LRRC7: variants seen among roughly 807,000 people sequenced by gnomAD.
LRRC7 encodes the protein leucine rich repeat containing 7.
A neutral mutation model predicts 175.7 loss-of-function variants in LRRC7; 23 were observed. That is an observed-to-expected ratio of 0.13 (90% CI 0.09 to 0.19). The LOEUF (loss-of-function observed/expected upper bound fraction) is 0.19, where lower values mean the gene tolerates loss of function less well. Ranked by LOEUF, LRRC7 falls within the 10% of genes least tolerant of loss-of-function variation. The pLI, the probability that LRRC7 is intolerant of heterozygous loss-of-function variation, is 1.00. For missense variants in LRRC7, 1,354 were observed against 1,904.7 expected, an observed-to-expected ratio of 0.71 and a Z score of 5.38; for synonymous variants, 685 against 680.9, an observed-to-expected ratio of 1.01 and a Z score of -0.09.
intron 2 of LRRC7, among the ~76,000 whole-genome samples, chr1:69,739,097 G>A (rs962817813): frequency 2.0e-5 from 3 of 152,014 alleles, no homozygotes; most frequent in African/African-American, 4.8e-5. Context: ...GGTAACCAGA[G>A]GTAAAACGAT....
intron 1 of LRRC7, among the ~76,000 whole-genome samples, chr1:69,654,120 T>A (rs1316996981): frequency 3.9e-5 from 6 of 151,928 alleles, no homozygotes; most frequent in Admixed American, 6.6e-5. Flanking sequence ...TATTTATTTT[T>A]TTTTTTTACC....
At chr1:69,628,843 A>G (rs1313750798) in intron 1 of LRRC7, among the ~76,000 whole-genome samples, 1 of 152,188 alleles carries the variant, frequency 6.6e-6, no homozygotes, top group Non-Finnish European at 1.5e-5. Flanking sequence ...TATCTTTGAC[A>G]ATGAATCACA....
intron 2 of LRRC7, among the ~76,000 whole-genome samples, chr1:69,723,379 A>C (rs1570514709): frequency 6.6e-6 from 1 of 152,130 alleles, no homozygotes. Flanking sequence ...GAGACTTAAC[A>C]TATTAAGAGA....
At chr1:69,890,226 G>C (rs949951519) in intron 7 of LRRC7, among the ~76,000 whole-genome samples, 1 of 152,122 alleles carries the variant, frequency 6.6e-6, no homozygotes, top group Non-Finnish European at 1.5e-5. Flanking sequence ...TAAATAATAA[G>C]GCTTGAAAGT....
At chr1:69,944,340 T>C (rs565580857) in intron 8 of LRRC7, among the ~76,000 whole-genome samples, 4 of 152,254 alleles carry the variant, frequency 2.6e-5, no homozygotes, top group African/African-American at 7.2e-5. Context: ...TTTCATTACA[T>C]ATATATGCTA....
At chr1:70,078,100 T>C (rs895443914) in intron 24 of LRRC7, among the ~76,000 whole-genome samples, 3 of 152,196 alleles carry the variant, frequency 2.0e-5, no homozygotes, top group Admixed American at 6.5e-5. Flanking sequence ...CATAGAGAAA[T>C]GATAAATACT....
At chr1:69,698,717 T>C (rs1044785344) in intron 2 of LRRC7, among the ~76,000 whole-genome samples, 8 of 152,214 alleles carry the variant, frequency 5.3e-5, no homozygotes, top group Non-Finnish European at 1.0e-4. Context: ...TTACCTTCTG[T>C]GCATTGAAAG....
At chr1:69,685,839 T>C (rs1410822718) in intron 2 of LRRC7, among the ~76,000 whole-genome samples, 2 of 151,702 alleles carry the variant, frequency 1.3e-5, no homozygotes, top group Non-Finnish European at 2.9e-5. Flanking sequence ...CTTCTAAAAG[T>C]TGACAAAAGA....
At position 69,718,181 on chromosome 1, in the gene LRRC7, A is replaced by AAAGAAAGAAAGAAAGAAAGAAAGAAAG. The variant is rs1491074856; in HGVS notation, c.100+39705_100+39706insGAAAGAAAGAAAGAAAGAAAGAAAGAA. Among the ~76,000 whole-genome samples, 12 of 98,436 alleles carry AAAGAAAGAAAGAAAGAAAGAAAGAAAG rather than the reference A, an allele frequency of 1.2e-4. No individual in the cohort carries two copies. In the East Asian group the frequency reaches 3.0e-3, roughly 25 times the overall value. 64.6% of individuals were successfully genotyped at this position (98,436 alleles called of 152,430 possible). A position where few individuals can be genotyped will look rare whatever the true frequency, so the allele number is the denominator to read the frequency against. On this transcript the variant is annotated intron_variant, in intron 2 of 26. Coordinates refer to ENST00000651989, the MANE Select transcript of LRRC7 (RefSeq NM_001370785.2). ...GAAAGAAAGAAAGAAAGAAGAAAAG[A>AAAGAAAGAAAGAAAGAAAGAAAGAAAG]AAAGAAAGAGAGAGAGAAAGAAACA...
At chr1:69,927,812 A>G (rs1454748552) in intron 7 of LRRC7, among the ~76,000 whole-genome samples, 1 of 152,154 alleles carries the variant, frequency 6.6e-6, no homozygotes, top group African/African-American at 2.4e-5. Context: ...TCAACTCATC[A>G]AAGTCATACG....
At chr1:69,914,405 A>C (rs1461641455) in intron 7 of LRRC7, among the ~76,000 whole-genome samples, 1 of 152,222 alleles carries the variant, frequency 6.6e-6, no homozygotes, top group Admixed American at 6.5e-5. Flanking sequence ...CTTCAACTGG[A>C]ATATTTTCCA....
In LRRC7 at chr1:70,142,163, T is replaced by C. The variant is rs1211262957; in HGVS notation, c.*20276T>C. 6.6e-6 allele frequency: 1 copy of C among 152,130 alleles called. No homozygotes were observed. The highest frequency in any genetic ancestry group is 6.6e-5 in the Admixed American group (1 of 15,260). 9.4% of individuals were successfully genotyped at this position (152,130 alleles called of 1,614,324 possible). ...AAAGGTCATTAATTTTCAGAATATA[T>C]TGTTGAAATAATTTTTATTTTCAAT... On this transcript the variant is annotated 3_prime_UTR_variant, in exon 27 of 27. Transcript: ENST00000651989.
intron 24 of LRRC7, among the ~76,000 whole-genome samples, chr1:70,088,381 A>G (rs1364680836): frequency 6.6e-6 from 1 of 151,854 alleles, no homozygotes; most frequent in Non-Finnish European, 1.5e-5. Context: ...ACACAGCAAG[A>G]CTCTATCTCT....
chr1:69,853,227 A>G (rs1683182746), intron 7 of LRRC7, among the ~76,000 whole-genome samples: 5 of 151,504 alleles, frequency 3.3e-5, no homozygotes, highest in African/African-American at 1.2e-4. Flanking sequence ...AGTTCTTAAT[A>G]AGAAATTAGC....
chr1:69,578,375 T>C (rs1646046898), intron 1 of LRRC7, among the ~76,000 whole-genome samples: 1 of 148,462 alleles, frequency 6.7e-6, no homozygotes, highest in African/African-American at 2.5e-5. Context: ...CTTGTGGAAG[T>C]CAGTGTGGCG....
chr1:69,876,241 T>C (rs12738402), intron 7 of LRRC7, among the ~76,000 whole-genome samples: 56,092 of 152,040 alleles, frequency 0.37, 12,768 homozygotes, highest in East Asian at 0.55. Flanking sequence ...TGCTATTTTG[T>C]CTTATCTTTT....
intron 7 of LRRC7, among the ~76,000 whole-genome samples, chr1:69,882,523 A>C (rs1173672350): frequency 2.0e-5 from 3 of 152,176 alleles, no homozygotes; most frequent in East Asian, 1.9e-4. Context: ...ACACACACAA[A>C]TATAAACACT....
At chr1:69,638,016 G>T (rs1023740937) in intron 1 of LRRC7, among the ~76,000 whole-genome samples, 1 of 151,824 alleles carries the variant, frequency 6.6e-6, no homozygotes, top group African/African-American at 2.4e-5. Context: ...AATGAAGTGA[G>T]TCTTGATGAG....
intron 1 of LRRC7, among the ~76,000 whole-genome samples, chr1:69,641,639 C>A (rs1654224630): frequency 6.6e-6 from 1 of 151,344 alleles, no homozygotes; most frequent in South Asian, 2.1e-4. Context: ...CACCTTTAAC[C>A]AAAATAATCA....
Sources: gnomAD v4.1 joint callset for allele counts (sites outside exome capture counted in the v4.1 genomes callset) on GRCh38, gnomAD v4.1.1 for gene constraint, MANE v1.5 for transcripts, NCBI Gene and HGNC (gene_info 2026-07-23, HGNC 2026-07-21) for gene names.